The following HGF variants were observed in gnomAD, a reference collection of about 807,000 sequenced individuals.
HGF encodes the protein hepatocyte growth factor, also known as fibroblast-derived tumor cytotoxic factor.
A neutral mutation model predicts 111.6 loss-of-function variants in HGF; 39 were observed. The observed-to-expected ratio is 0.35, with a 90% CI of 0.27 to 0.46. The LOEUF (loss-of-function observed/expected upper bound fraction) is 0.46. Ranked by LOEUF, HGF falls within the 20% of genes least tolerant of loss-of-function variation. The pLI is 1.00. For missense variants in HGF, 735 were observed against 910.5 expected, an observed-to-expected ratio of 0.81 and a Z score of 2.48; for synonymous variants, 285 against 294.8, an observed-to-expected ratio of 0.97 and a Z score of 0.34.
At chr7:81,761,551 C>T (rs1198498030) in intron 2 of HGF, among the ~76,000 whole-genome samples, 1 of 147,366 alleles carries the variant, frequency 6.8e-6, no homozygotes, top group African/African-American at 2.6e-5. Flanking sequence ...ATGCATGACC[C>T]TGTTAAAAAA....
At chr7:81,756,213 CTAAG>C (rs1289780403) in intron 4 of HGF, 13 of 571,522 alleles carry the variant, frequency 2.3e-5, no homozygotes, top group Middle Eastern at 5.3e-4. Flanking sequence ...TGAAAACTTA[CTAAG>C]TGTTTTTATG....
At chr7:81,766,079 A>G (rs1789342167) in intron 1 of HGF, among the ~76,000 whole-genome samples, 1 of 152,198 alleles carries the variant, frequency 6.6e-6, no homozygotes, top group Non-Finnish European at 1.5e-5. Flanking sequence ...TTTAGAGCTG[A>G]AATCATTAGG....
chr7:81,705,265 A>G (rs1789390805), intron 17 of HGF, 125 bp downstream of exon 17: 2 of 902,090 alleles, frequency 2.2e-6, no homozygotes, highest in East Asian at 5.1e-5. Flanking sequence ...AATTTTCCCA[A>G]TTCCTCTTTC....
intron 13 of HGF, 89 bp downstream of exon 13, chr7:81,710,058 C>G: frequency 1.1e-6 from 1 of 933,680 alleles, no homozygotes; most frequent in Non-Finnish European, 1.8e-6. Context: ...AGGGTACAAC[C>G]TTCAGGACCA....
chr7:81,761,736 G>C (rs566066415), intron 2 of HGF, among the ~76,000 whole-genome samples: 1 of 135,744 alleles, frequency 7.4e-6, no homozygotes, highest in African/African-American at 2.7e-5. Context: ...AAGTAATAAG[G>C]CATCAGTTCC....
chr7:81,712,477 T>C (rs1427874860), intron 11 of HGF, among the ~76,000 whole-genome samples: 3 of 152,086 alleles, frequency 2.0e-5, no homozygotes, highest in Non-Finnish European at 4.4e-5. Flanking sequence ...AGTAAAAAAA[T>C]ATGGAAAAAA....
rs754659494 is a variant in HGF at position 81,729,765 on chromosome 7, T to A, written c.880A>T (p.Asn294Tyr). The part of the protein sequence containing the change: ...AIKTCADNTM[N>Y]DTDVPLETTE... ...GTTTCCAAAGGAACATCAGTGTCATTCATAGTATTGTCAGCTATTGGCAAA... is the reference window on the plus strand; with the variant it reads ...GTTTCCAAAGGAACATCAGTGTCATACATAGTATTGTCAGCTATTGGCAAA... Residue 294 changes from asparagine to tyrosine, a missense_variant, in exon 8 of 18, where the codon AAT (asparagine) becomes TAT (tyrosine). Asn to Tyr is a moderately radical substitution (Grantham distance 143). This residue lies in a region of HGF where 553 missense variants were observed against 685.6 expected (regional missense o/e 0.81). Transcript: ENST00000222390. The A allele has an allele frequency of 6.2e-7, 1 of 1,611,852 alleles. No individual in the cohort carries two copies. The highest frequency in any genetic ancestry group is 8.5e-7 in the Non-Finnish European group (1 of 1,179,764).
chr7:81,725,533 C>T (rs1011058983), intron 9 of HGF, among the ~76,000 whole-genome samples: 6 of 152,118 alleles, frequency 3.9e-5, no homozygotes, highest in Admixed American at 2.6e-4. Flanking sequence ...TCTAACTCTG[C>T]GACATTTTTC....
At chr7:81,733,500 T>C (rs568346940) in intron 7 of HGF, among the ~76,000 whole-genome samples, 1 of 152,200 alleles carries the variant, frequency 6.6e-6, no homozygotes, top group Non-Finnish European at 1.5e-5. Flanking sequence ...TGTCATTATT[T>C]TAAACACAAA....
chr7:81,767,023 A>T (rs536688420), intron 1 of HGF, among the ~76,000 whole-genome samples: 1 of 152,118 alleles, frequency 6.6e-6, no homozygotes, highest in African/African-American at 2.4e-5. Flanking sequence ...CCTTCCTGGG[A>T]CATTCCTTAT....
chr7:81,737,596 A>C (rs1787874600), intron 7 of HGF, among the ~76,000 whole-genome samples: 1 of 152,106 alleles, frequency 6.6e-6, no homozygotes, highest in African/African-American at 2.4e-5. Context: ...TGATGGCAAA[A>C]GCAAATACAA....
At chr7:81,712,225 T>C (rs781127174) in intron 11 of HGF, among the ~76,000 whole-genome samples, 3 of 152,160 alleles carry the variant, frequency 2.0e-5, no homozygotes, top group Non-Finnish European at 2.9e-5. Context: ...GTGTTCATTA[T>C]TGTCTACTTG....
chr7:81,744,886 G>A, intron 6 of HGF, 114 bp downstream of exon 6: 1 of 1,178,286 alleles, frequency 8.5e-7, no homozygotes, highest in Non-Finnish European at 1.2e-6. Context: ...TAAATGTTAT[G>A]TTCATGTCCT....
intron 3 of HGF, 111 bp downstream of exon 3, chr7:81,758,581 C>T (rs1788899832): frequency 2.8e-6 from 2 of 714,062 alleles, no homozygotes; most frequent in East Asian, 2.7e-5. Context: ...CATAAAATAT[C>T]TCATATATAG....
At chr7:81,727,625 C>T (rs943628128) in intron 8 of HGF, among the ~76,000 whole-genome samples, 33 of 152,026 alleles carry the variant, frequency 2.2e-4, no homozygotes, top group African/African-American at 7.7e-4. Flanking sequence ...TTAAATTTTA[C>T]ATGAACTTTG....
intron 7 of HGF, chr7:81,742,817 G>A (rs1438868200): frequency 6.4e-6 from 10 of 1,559,058 alleles, no homozygotes; most frequent in Admixed American, 1.9e-5. Flanking sequence ...CAAAGACAGC[G>A]AGAGAGGTAG....
intron 8 of HGF, among the ~76,000 whole-genome samples, chr7:81,728,555 A>G (rs1427751610): frequency 6.6e-6 from 1 of 152,238 alleles, no homozygotes; most frequent in East Asian, 1.9e-4. Context: ...GGTCACGAAT[A>G]GAGAGTGAAT....
Position 81,758,801 on chromosome 7 carries a change from A to G in HGF, c.258T>C (p.Ala86=), listed in dbSNP as rs370202240. The G allele has an allele frequency of 9.9e-5, 158 of 1,599,974 alleles. No homozygotes were observed. The East Asian group carries it at 1.7e-3, about 17-fold the overall frequency. Residue 86 remains alanine, a synonymous_variant, in exon 3 of 18, where the codon GCT becomes GCC. Coordinates refer to ENST00000222390, the MANE Select transcript of HGF (RefSeq NM_000601.6). ...GTTTTCTTGCTTTATCAAAAACAAA[A>G]GCCCTGAAAAAAATATCAGAATGAA... ...RNKGLPFTCK[A]FVFDKARKQC...
At chr7:81,760,600 A>G (rs1789015079) in intron 2 of HGF, among the ~76,000 whole-genome samples, 1 of 152,028 alleles carries the variant, frequency 6.6e-6, no homozygotes, top group East Asian at 1.9e-4. Context: ...CTAAGTTCAT[A>G]GTATCATAGT....
Sources: gnomAD v4.1 joint callset for allele counts (sites outside exome capture counted in the v4.1 genomes callset) on GRCh38, gnomAD v4.1.1 for gene constraint, gnomAD v4.1.1 regional missense constraint, MANE v1.5 for transcripts, NCBI Gene and HGNC (gene_info 2026-07-23, HGNC 2026-07-21) for gene names.